Variants in ARMH3 observed in about 807,000 individuals in gnomAD.
ARMH3 encodes armadillo like helical domain containing 3, also known as armadillo-like helical domain-containing protein 3.
In ARMH3, 60 loss-of-function variants were observed where a neutral mutation model predicts 99.1. The ratio of observed to expected loss-of-function variants is 0.61; its 90% CI spans 0.49 to 0.75. The LOEUF is 0.75. Among genes scored for constraint, ARMH3 ranks in the 30% least tolerant of loss-of-function variants. The pLI, the probability that ARMH3 is intolerant of heterozygous loss-of-function variation, is 0.00. For missense variants in ARMH3, 679 were observed against 843.1 expected, an observed-to-expected ratio of 0.81 and a Z score of 2.41; for synonymous variants, 285 against 292.8, an observed-to-expected ratio of 0.97 and a Z score of 0.27.
chr10:101,963,174 A>C, intron 20 of ARMH3, among the ~76,000 whole-genome samples: 2 of 136,458 alleles, frequency 1.5e-5, no homozygotes, highest in Non-Finnish European at 1.6e-5. Context: ...ACAGAGTCTC[A>C]CTCTGTTGCC....
At chr10:102,028,963 C>T (rs1357026210) in intron 5 of ARMH3, among the ~76,000 whole-genome samples, 1 of 152,172 alleles carries the variant, frequency 6.6e-6, no homozygotes, top group Non-Finnish European at 1.5e-5. Context: ...CCTCCACCTC[C>T]CAGGTTCAAG....
rs79199455 is a variant in ARMH3, at chr10:101,881,021, G to A, written c.1860+8391C>T. On this transcript the variant is annotated intron_variant, in intron 24 of 25. Transcript: ENST00000370033. The stretch of plus-strand genomic sequence containing the variant: ...GATGGAAATAAGAAAATACTTAGCA[G>A]CTTCTAACATAACCTTCACTCATTC... 1.5e-3 allele frequency among the ~76,000 whole-genome samples: 236 copies of A among 152,302 alleles called. 2 individuals carry two copies. Among genetic ancestry groups the A allele is most frequent in the African/African-American group, 5.4e-3 (225 of 41,546 alleles).
intron 13 of ARMH3, among the ~76,000 whole-genome samples, chr10:102,007,159 C>CAAAAAAAAAAAAAAAAAAAAAAA (rs10639768): frequency 2.0e-4 from 12 of 60,044 alleles, no homozygotes; most frequent in African/African-American, 3.5e-4. Flanking sequence ...GACTCTATCT[C>CAAAAAAAAAAAAAAAAAAAAAAA]AAAAAAAAAA....
intron 13 of ARMH3, among the ~76,000 whole-genome samples, chr10:102,008,807 C>T (rs1024021199): frequency 1.3e-5 from 2 of 151,906 alleles, no homozygotes; most frequent in Admixed American, 6.6e-5. Context: ...CCTTGTGATC[C>T]GCCCACCTCA....
At position 101,880,096 on chromosome 10, in the gene ARMH3, G is replaced by A. The variant is rs187419069; in HGVS notation, c.1860+9316C>T. 3.6e-4 allele frequency among the ~76,000 whole-genome samples: 55 copies of A among 152,348 alleles called. 1 individual carries two copies. The East Asian group carries it at 9.2e-3, about 26-fold the overall frequency. On this transcript the variant is annotated intron_variant, in intron 24 of 25. Transcript: ENST00000370033. Reference sequence around the variant, plus strand: ...GTGCCGGTGTCACATGCTCACACTCGAGAATTCGCAAAGCAACCATCATTC... The same window carrying A: ...GTGCCGGTGTCACATGCTCACACTCAAGAATTCGCAAAGCAACCATCATTC...
intron 24 of ARMH3, among the ~76,000 whole-genome samples, chr10:101,885,654 T>C (rs1215611304): frequency 6.6e-6 from 1 of 152,162 alleles, no homozygotes; most frequent in Admixed American, 6.5e-5. Context: ...TTAATGGATA[T>C]AGAGTTTCAG....
intron 24 of ARMH3, among the ~76,000 whole-genome samples, chr10:101,862,780 G>A (rs1318349476): frequency 1.3e-5 from 2 of 152,010 alleles, no homozygotes; most frequent in Non-Finnish European, 2.9e-5. Context: ...GGGAAAAACG[G>A]GGGAAAGCAA....
At chr10:101,875,749 G>C (rs1054397008) in intron 24 of ARMH3, among the ~76,000 whole-genome samples, 1 of 152,164 alleles carries the variant, frequency 6.6e-6, no homozygotes, top group Non-Finnish European at 1.5e-5. Flanking sequence ...TGGTTAAAAG[G>C]GTGGTGACAT....
chr10:102,010,018 G>GC lies in ARMH3; in HGVS notation c.836dup (p.Ser280GlnfsTer9). 6.2e-7 allele frequency: 1 copy of GC among 1,613,834 alleles called. No individual in the cohort carries two copies. The highest frequency in any genetic ancestry group is 8.5e-7 in the Non-Finnish European group (1 of 1,179,832). On this transcript the variant is annotated frameshift_variant, in exon 12 of 26. Transcript: ENST00000370033. LOFTEE classifies it high-confidence loss of function. ...CATGGGCATCTGCTATGAACATGCT[G>GC]CCCACCTGTGGAAGAAAAGGGGAAT...
intron 5 of ARMH3, chr10:102,029,421 C>G: frequency 6.6e-7 from 1 of 1,525,538 alleles, no homozygotes; most frequent in Non-Finnish European, 8.8e-7. Context: ...GTCTTTATCC[C>G]GCAGGGAAAG....
intron 14 of ARMH3, 124 bp downstream of exon 14, chr10:102,006,416 A>G (rs1317364117): frequency 5.9e-6 from 6 of 1,012,058 alleles, no homozygotes; most frequent in Middle Eastern, 3.0e-4. Flanking sequence ...GAAGGATAGT[A>G]CTACAGACCA....
At chr10:101,901,607 T>G (rs1452659941) in intron 23 of ARMH3, among the ~76,000 whole-genome samples, 1 of 152,172 alleles carries the variant, frequency 6.6e-6, no homozygotes, top group Non-Finnish European at 1.5e-5. Flanking sequence ...TGCTTTCACC[T>G]GCTCCAGCAC....
intron 19 of ARMH3, among the ~76,000 whole-genome samples, chr10:101,985,194 G>A (rs1256791112): frequency 6.9e-6 from 1 of 144,038 alleles, no homozygotes; most frequent in Non-Finnish European, 1.5e-5. Context: ...ATATATGTGT[G>A]TATATATATA....
intron 23 of ARMH3, among the ~76,000 whole-genome samples, chr10:101,928,732 G>T (rs1035559486): frequency 1.3e-5 from 2 of 152,020 alleles, no homozygotes; most frequent in African/African-American, 2.4e-5. Flanking sequence ...GTTGTTGTTT[G>T]TTTTTGTTTT....
At chr10:101,963,136 A>C (rs970069412) in intron 20 of ARMH3, among the ~76,000 whole-genome samples, 53 of 137,480 alleles carry the variant, frequency 3.9e-4, no homozygotes, top group African/African-American at 1.3e-3. Flanking sequence ...TGCCCGGATA[A>C]TTTTGCATTT....
intron 14 of ARMH3, among the ~76,000 whole-genome samples, chr10:102,003,772 C>T (rs1210694962): frequency 6.6e-6 from 1 of 152,166 alleles, no homozygotes; most frequent in Non-Finnish European, 1.5e-5. Flanking sequence ...CCATAATAAA[C>T]AGCAAGCACA....
At chr10:101,994,998 T>C (rs567277095) in intron 16 of ARMH3, among the ~76,000 whole-genome samples, 1 of 152,268 alleles carries the variant, frequency 6.6e-6, no homozygotes, top group South Asian at 2.1e-4. Flanking sequence ...ATCATGCCAC[T>C]GCACTCCAGC....
intron 16 of ARMH3, among the ~76,000 whole-genome samples, chr10:101,994,481 G>C (rs181301128): frequency 2.7e-3 from 405 of 152,266 alleles, no homozygotes; most frequent in African/African-American, 9.1e-3. Flanking sequence ...GAATAGTAAA[G>C]GGGGAGGTTG....
chr10:102,007,437 T>C (rs933130477), intron 13 of ARMH3, among the ~76,000 whole-genome samples: 2 of 151,028 alleles, frequency 1.3e-5, no homozygotes, highest in African/African-American at 4.9e-5. Flanking sequence ...TCTCATCAGA[T>C]CAACCTAAAA....
Sources: allele counts gnomAD v4.1 joint callset (sites outside exome capture counted in the v4.1 genomes callset), GRCh38; gene constraint gnomAD v4.1.1; transcripts MANE v1.5; gene names NCBI Gene and HGNC (gene_info 2026-07-23, HGNC 2026-07-21).